The following CNTLN variants were observed in gnomAD, a reference collection of about 807,000 sequenced individuals.
The protein encoded by CNTLN is centlein, centrosomal protein.
In CNTLN, 212 loss-of-function variants were observed where a neutral mutation model predicts 180.0. The ratio of observed to expected loss-of-function variants is 1.18; its 90% CI spans 1.05 to 1.32. The LOEUF is 1.32. Among genes scored for constraint, CNTLN ranks in the 40% most tolerant of loss-of-function variants. The pLI is 0.00. For missense variants in CNTLN, 2,095 were observed against 1,610.9 expected (o/e 1.30, Z -5.14); for synonymous variants, 722 against 563.1 (o/e 1.28, Z -3.99).
At chr9:17,291,705 A>G (rs953666758) in intron 6 of CNTLN, among the ~76,000 whole-genome samples, 2 of 152,110 alleles carry the variant, frequency 1.3e-5, no homozygotes, top group African/African-American at 2.4e-5. Context: ...GTGTCTTTGC[A>G]TGTGAGATGG....
At chr9:17,137,011 T>C (rs1441871344) in intron 1 of CNTLN, among the ~76,000 whole-genome samples, 1 of 152,220 alleles carries the variant, frequency 6.6e-6, no homozygotes, top group Non-Finnish European at 1.5e-5. Flanking sequence ...GCTAAGATAC[T>C]TTTTTATGAC....
At chr9:17,180,843 C>T (rs114525304) in intron 2 of CNTLN, among the ~76,000 whole-genome samples, 1 of 151,884 alleles carries the variant, frequency 6.6e-6, no homozygotes, top group Non-Finnish European at 1.5e-5. Flanking sequence ...TGATTCTTTT[C>T]TTTTCTTTCG....
Position 17,366,597 on chromosome 9 carries a change from T to C in CNTLN, c.1887-20T>C. The stretch of plus-strand genomic sequence containing the variant: ...ATAAAACAATATGGTTTTAAGTAAA[T>C]GTTTATTGCTTTTTCATAGGATGAA... On this transcript the variant is annotated intron_variant, in intron 12 of 25. Transcript: ENST00000380647. 2.5e-6 allele frequency: 3 copies of C among 1,212,160 alleles called. No homozygotes were observed. Among genetic ancestry groups the C allele is most frequent in the Non-Finnish European group, 2.4e-6 (2 of 830,096 alleles). 75.1% of individuals were successfully genotyped at this position (1,212,160 alleles called of 1,614,324 possible).
At chr9:17,397,520 A>G (rs1176352525) in intron 15 of CNTLN, among the ~76,000 whole-genome samples, 1 of 151,704 alleles carries the variant, frequency 6.6e-6, no homozygotes, top group East Asian at 1.9e-4. Context: ...GGTCACTCTG[A>G]TCACTGTCTT....
intron 12 of CNTLN, among the ~76,000 whole-genome samples, chr9:17,365,641 T>G (rs1000383833): frequency 6.6e-6 from 1 of 152,242 alleles, no homozygotes; most frequent in Non-Finnish European, 1.5e-5. Flanking sequence ...ATTACTATTT[T>G]GCCTAGAATA....
chr9:17,325,375 T>C (rs1233217170), intron 8 of CNTLN, among the ~76,000 whole-genome samples: 1 of 45,474 alleles, frequency 2.2e-5, no homozygotes, highest in East Asian at 5.5e-4. Context: ...TGCATGTGTA[T>C]GTATGTGTGT....
intron 3 of CNTLN, among the ~76,000 whole-genome samples, chr9:17,235,024 A>C (rs1001038649): frequency 1.3e-5 from 2 of 152,172 alleles, no homozygotes; most frequent in Non-Finnish European, 2.9e-5. Flanking sequence ...CAGCCAAGAG[A>C]GGTGCTACAT....
At chr9:17,263,272 A>T (rs1368358045) in intron 5 of CNTLN, among the ~76,000 whole-genome samples, 14 of 135,588 alleles carry the variant, frequency 1.0e-4, no homozygotes, top group African/African-American at 3.7e-4. Context: ...AATTCCCACC[A>T]GTGAGTGAGA....
intron 2 of CNTLN, among the ~76,000 whole-genome samples, chr9:17,156,426 T>G (rs1393889622): frequency 1.3e-5 from 2 of 152,184 alleles, no homozygotes; most frequent in Non-Finnish European, 2.9e-5. Flanking sequence ...AAGGTTGGTT[T>G]GTTCCTAGGA....
At chr9:17,407,833 C>T (rs1400762099) in intron 15 of CNTLN, among the ~76,000 whole-genome samples, 1 of 151,986 alleles carries the variant, frequency 6.6e-6, no homozygotes, top group African/African-American at 2.4e-5. Context: ...ACATTCAAGA[C>T]TGACCAGGGA....
rs1393403905 is a variant in CNTLN, at chr9:17,457,591, C to T, written c.3182C>T (p.Ser1061Leu). The stretch of plus-strand genomic sequence containing the variant: ...GATTTACTAAAGAAATTGGAGTCCT[C>T]ATCTGAAATCACAAGTTTGGCAGAA... ...KEDLLKKLESSSEITSLAEEN... is the reference protein window; with the variant it reads ...KEDLLKKLESLSEITSLAEEN... Residue 1061 changes from serine (S) to leucine (L), a missense_variant, in exon 19 of 26, where the codon TCA becomes TTA. Ser to Leu is a moderately radical substitution (Grantham distance 145). Coordinates refer to ENST00000380647, the MANE Select transcript of CNTLN (RefSeq NM_017738.4). The T allele has an allele frequency of 3.2e-6, 5 of 1,562,570 alleles. No homozygotes were observed. The highest frequency in any genetic ancestry group is 4.3e-6 in the Non-Finnish European group (5 of 1,152,448).
Position 17,309,058 on chromosome 9 carries a change from C to G in CNTLN, c.1147C>G (p.Leu383Val). 3 of 1,569,094 alleles carry G rather than the reference C, an allele frequency of 1.9e-6. No individual in the cohort carries two copies. Among genetic ancestry groups the G allele is most frequent in the South Asian group, 1.2e-5 (1 of 83,182 alleles). ...HTAESISYQK[L>V]YNELHICFET... ...AATTTGGATATATTTTTTGAAACAG[C>G]TTTACAATGAGTTACATATTTGTTT... The change falls in exon 8 of 26, where the codon CTT becomes GTT. Residue 383 changes from leucine (L) to valine (V), a missense_variant and splice_region_variant. Coordinates refer to ENST00000380647, the MANE Select transcript of CNTLN (RefSeq NM_017738.4).
chr9:17,292,374 C>T (rs1829473573), intron 6 of CNTLN, among the ~76,000 whole-genome samples: 1 of 152,132 alleles, frequency 6.6e-6, no homozygotes. Context: ...GGAAGTTTTC[C>T]TAGATGATAT....
intron 12 of CNTLN, among the ~76,000 whole-genome samples, chr9:17,359,587 A>T (rs944379931): frequency 6.6e-6 from 1 of 151,550 alleles, no homozygotes; most frequent in Non-Finnish European, 1.5e-5. Context: ...TATTTCACAT[A>T]AGAGGACATC....
chr9:17,246,340 G>T (rs917008653), intron 5 of CNTLN, among the ~76,000 whole-genome samples: 2 of 152,230 alleles, frequency 1.3e-5, no homozygotes, highest in Admixed American at 6.5e-5. Context: ...ATATCCGGGA[G>T]AATTTCCTAG....
At chr9:17,358,176 G>A (rs1461588337) in intron 12 of CNTLN, among the ~76,000 whole-genome samples, 2 of 151,976 alleles carry the variant, frequency 1.3e-5, no homozygotes, top group Non-Finnish European at 2.9e-5. Flanking sequence ...AAGGGTGTTC[G>A]CTGCAGCAGT....
intron 2 of CNTLN, among the ~76,000 whole-genome samples, chr9:17,214,188 G>A (rs1335343632): frequency 6.6e-6 from 1 of 152,174 alleles, no homozygotes; most frequent in Admixed American, 6.5e-5. Flanking sequence ...TGCAGTGACT[G>A]GTACCGGTTG....
At chr9:17,137,781 A>G (rs1322006443) in intron 1 of CNTLN, among the ~76,000 whole-genome samples, 1 of 152,208 alleles carries the variant, frequency 6.6e-6, no homozygotes, top group African/African-American at 2.4e-5. Context: ...AGTTTGAGTA[A>G]TTCCCCATAC....
At chr9:17,211,753 C>T (rs1375242400) in intron 2 of CNTLN, among the ~76,000 whole-genome samples, 1 of 152,064 alleles carries the variant, frequency 6.6e-6, no homozygotes, top group Admixed American at 6.5e-5. Context: ...TGTAGTTCTC[C>T]TTGAAGAGGT....
Sources: allele counts gnomAD v4.1 joint callset (sites outside exome capture counted in the v4.1 genomes callset), GRCh38; gene constraint gnomAD v4.1.1; transcripts MANE v1.5; gene names NCBI Gene and HGNC (gene_info 2026-07-23, HGNC 2026-07-21).